Variants in ABR observed in about 807,000 individuals in gnomAD.
ABR encodes ABR activator of RhoGEF and GTPase, also known as active breakpoint cluster region-related protein.
Under a neutral mutation model 107.2 loss-of-function variants are expected in ABR, and 35 were observed. The observed-to-expected ratio is 0.33, with a 90% confidence interval of 0.25 to 0.43. The LOEUF (loss-of-function observed/expected upper bound fraction) is 0.43. Among genes scored for constraint, ABR ranks in the 20% least tolerant of loss-of-function variants. ABR has a pLI of 1.00. For missense variants in ABR, 815 were observed against 1,115.2 expected (o/e 0.73, Z 3.83); for synonymous variants, 498 against 462.0 (o/e 1.08, Z -1.00).
chr17:1,069,789 C>A (rs1258326723), intron 9 of ABR, among the ~76,000 whole-genome samples, 180 bp downstream of exon 9: 1 of 111,582 alleles, frequency 9.0e-6, no homozygotes, highest in Non-Finnish European at 1.8e-5. Flanking sequence ...AGGACCCCCT[C>A]CCCCGCCCCT....
rs2069811771 is a variant in ABR at position 1,003,576 on chromosome 17, G to T, written c.*2504C>A. ...TTTTATTAACATTTTCCTCTCACGT[G>T]GTTTACATCAATTTATAATAATCTA... On this transcript the variant is annotated 3_prime_UTR_variant, in exon 23 of 23. Transcript: ENST00000302538. The T allele has an allele frequency of 6.6e-6, 1 of 152,406 alleles. No individual in the cohort carries two copies. Among genetic ancestry groups the T allele is most frequent in the South Asian group, 2.1e-4 (1 of 4,816 alleles). 9.4% of individuals were successfully genotyped at this position (152,406 alleles called of 1,614,324 possible). A position where few individuals can be genotyped will look rare whatever the true frequency, so the allele number is the denominator to read the frequency against.
At position 1,179,931 on chromosome 17, in the gene ABR, C is replaced by T; in HGVS notation, c.-204G>A. On this transcript the variant is annotated 5_prime_UTR_variant, in exon 1 of 23. Coordinates refer to ENST00000302538, the MANE Select transcript of ABR (RefSeq NM_021962.5). This position sits in a 1 kb window ranked among gnomAD's most constrained non-coding sequence, Gnocchi z 4.9. ...CCCCCAAAACCCTCCCGAACCCTCC[C>T]GGCCCCAGCGGCCGCGCCGAGCCCA... 1 of 278,862 alleles carries T rather than the reference C, an allele frequency of 3.6e-6. No homozygotes were observed. Among genetic ancestry groups the T allele is most frequent in the Non-Finnish European group, 6.3e-6 (1 of 159,092 alleles). 17.3% of individuals were successfully genotyped at this position (278,862 alleles called of 1,614,324 possible).
At position 1,200,161 on chromosome 17, in the gene ABR, C is replaced by T. The variant is rs2042645001; in HGVS notation, c.838+28632G>A. ...GAGGAAAACAATTAAAAAAAAACAC[C>T]ACAAAAATAAAAAATACAAATAATA... is the stretch of plus-strand genomic sequence containing the variant. On this transcript the variant is annotated intron_variant, in intron 1 of 22. Transcript: ENST00000574139. The surrounding 1 kb of genome is among the most constrained non-coding windows in gnomAD (Gnocchi z 4.1). Among the ~76,000 whole-genome samples the T allele has an allele frequency of 6.6e-6, 1 of 151,508 alleles. No individual in the cohort carries two copies.
intron 2 of ABR, among the ~76,000 whole-genome samples, chr17:1,124,585 T>C (rs1358365407): frequency 6.6e-6 from 1 of 152,252 alleles, no homozygotes; most frequent in African/African-American, 2.4e-5. Flanking sequence ...ACAGTTTCTA[T>C]CCCTGGCCTG....
chr17:1,042,300 A>C (rs1352150834), intron 16 of ABR, among the ~76,000 whole-genome samples: 2 of 150,086 alleles, frequency 1.3e-5, no homozygotes, highest in Non-Finnish European at 3.0e-5. Context: ...TGGATGGATA[A>C]ACAGACGTGG....
At chr17:1,175,992 G>A (rs1312644435) in intron 1 of ABR, among the ~76,000 whole-genome samples, 1 of 152,162 alleles carries the variant, frequency 6.6e-6, no homozygotes, top group Non-Finnish European at 1.5e-5. Flanking sequence ...TCGGGAGGCT[G>A]AGGCAGGAGA....
intron 21 of ABR, among the ~76,000 whole-genome samples, chr17:1,008,513 G>A (rs1010695296): frequency 2.0e-5 from 3 of 152,270 alleles, no homozygotes; most frequent in Non-Finnish European, 2.9e-5. Flanking sequence ...CAGGGTGGAA[G>A]CCGAATGAAT....
chr17:1,093,692 C>T lies in ABR; in HGVS notation c.346-1842G>A, dbSNP rs186378955. Among the ~76,000 whole-genome samples, 53 of 152,292 alleles carry T rather than the reference C, an allele frequency of 3.5e-4. 1 individual carries two copies. The highest frequency in any genetic ancestry group is 3.1e-3 in the Admixed American group (48 of 15,298). Reference sequence around the variant, plus strand: ...AAAGCCAGCGCCAGCTCCCTCTGAACGACGACCACCAGCTCCAGCCAACCA... The same window carrying T: ...AAAGCCAGCGCCAGCTCCCTCTGAATGACGACCACCAGCTCCAGCCAACCA... On this transcript the variant is annotated intron_variant, in intron 3 of 22. Transcript: ENST00000302538.
intron 4 of ABR, among the ~76,000 whole-genome samples, chr17:1,088,596 T>C (rs536506747): frequency 2.6e-5 from 4 of 152,162 alleles, no homozygotes. Context: ...ATTCTATTTC[T>C]TTTTTTGAGA....
chr17:1,054,498 GGGATGGGGATACAAGGAACCTC>G lies in ABR; in HGVS notation c.1561+1515_1561+1536del, dbSNP rs1298609217. On this transcript the variant is annotated intron_variant, in intron 14 of 22. Transcript: ENST00000302538. The stretch of plus-strand genomic sequence containing the variant: ...GGATGGGGGCACAAGGAACCTCAAA[GGGATGGGGATACAAGGAACCTC>G]AGGGGATGGGGGCACAAAGAACCTG... 6.5e-3 allele frequency among the ~76,000 whole-genome samples: 973 copies of G among 148,932 alleles called. 22 individuals are homozygous for G. Among genetic ancestry groups the G allele is most frequent in the African/African-American group, 0.023 (905 of 39,284 alleles).
intron 5 of ABR, among the ~76,000 whole-genome samples, chr17:1,080,607 G>A: frequency 6.6e-6 from 1 of 152,224 alleles, no homozygotes; most frequent in South Asian, 2.1e-4. Context: ...CTGCCCAGGT[G>A]ATGAGGCCAA....
In ABR at chr17:1,142,636, C is replaced by T. The variant is rs185843719; in HGVS notation, c.62-17269G>A. On this transcript the variant is annotated intron_variant, in intron 1 of 22. Transcript: ENST00000302538. ...GCAGCCTATGAAGCCATCAGCCAGG[C>T]GCGTGATCAATTCAGCCAGCACAGG... Among the ~76,000 whole-genome samples the T allele has an allele frequency of 3.3e-3, 500 of 151,946 alleles. 5 individuals carry two copies. Among genetic ancestry groups the T allele is most frequent in the African/African-American group, 0.011 (468 of 41,440 alleles).
At position 1,010,645 on chromosome 17, in the gene ABR, A is replaced by AT. The variant is rs1371208540; in HGVS notation, c.2236+83dup. 5 of 1,550,318 alleles carry AT rather than the reference A, an allele frequency of 3.2e-6. No homozygotes were observed. The African/African-American group carries it at 6.8e-5, about 21-fold the overall frequency. On this transcript the variant is annotated intron_variant, in intron 20 of 22. Coordinates refer to ENST00000302538, the MANE Select transcript of ABR (RefSeq NM_021962.5). This position sits in a 1 kb window ranked among gnomAD's most constrained non-coding sequence, Gnocchi z 4.1. ...TCAGCCAGCAAAGGAAGCCACAGAT[A>AT]TTTCTCCTGCTGGTTACTTCTCCGG...
chr17:1,070,504 C>G lies in ABR; in HGVS notation c.895-414G>C, dbSNP rs529242752. Among the ~76,000 whole-genome samples, 1 of 152,180 alleles carries G rather than the reference C, an allele frequency of 6.6e-6. No individual in the cohort carries two copies. Among genetic ancestry groups the G allele is most frequent in the Non-Finnish European group, 1.5e-5 (1 of 68,032 alleles). On this transcript the variant is annotated intron_variant, in intron 8 of 22. Coordinates refer to ENST00000302538, the MANE Select transcript of ABR (RefSeq NM_021962.5). This position sits in a 1 kb window ranked among gnomAD's most constrained non-coding sequence, Gnocchi z 4.2. ...GACCTGGTTTCTCCACCCTGGGGCA[C>G]GAACATCCCCGTTTGCAATCCCTCC...
intron 18 of ABR, 195 bp from the exon 19 acceptor site, chr17:1,012,180 G>T: frequency 2.3e-6 from 2 of 857,256 alleles, no homozygotes; most frequent in Non-Finnish European, 3.8e-6. Flanking sequence ...TGCCGAAGGG[G>T]CATCGACGGA....
chr17:1,076,734 G>GC (rs1198308627), intron 6 of ABR, among the ~76,000 whole-genome samples: 1 of 137,992 alleles, frequency 7.2e-6, no homozygotes, highest in Non-Finnish European at 1.5e-5. Flanking sequence ...GGGGGTGGGG[G>GC]GGGTGGCGGC....
At chr17:1,067,347 ACTCGCCAGAAGCAAGAACGAT>A in intron 9 of ABR, 105 bp from the exon 10 acceptor site, 2 of 1,147,450 alleles carry the variant, frequency 1.7e-6, no homozygotes, top group Non-Finnish European at 2.4e-6. Flanking sequence ...TTGACTGAGA[ACTCGCCAGAAGCAAGAACGAT>A]CCCTGCTCCT....
chr17:1,087,123 T>C (rs1196365314), intron 4 of ABR, among the ~76,000 whole-genome samples: 1 of 152,130 alleles, frequency 6.6e-6, no homozygotes, highest in African/African-American at 2.4e-5. Context: ...CTGTTATTCT[T>C]TGGAGTTTCT....
intron 1 of ABR, among the ~76,000 whole-genome samples, chr17:1,202,317 C>T (rs763036612): frequency 2.6e-5 from 4 of 152,178 alleles, no homozygotes; most frequent in Admixed American, 6.5e-5. Context: ...TGTGAGACAC[C>T]GCACCTGGCC....
Sources: allele counts gnomAD v4.1 joint callset (sites outside exome capture counted in the v4.1 genomes callset), GRCh38; gene constraint gnomAD v4.1.1; non-coding constraint Gnocchi (gnomAD v3.1); transcripts MANE v1.5; gene names NCBI Gene and HGNC (gene_info 2026-07-23, HGNC 2026-07-21).